ZFPM2: variants seen among roughly 807,000 people sequenced by gnomAD.
The protein encoded by ZFPM2 is zinc finger protein ZFPM2.
ZFPM2 carries 20 observed loss-of-function variants against 98.6 expected under a neutral mutation model. That is an observed-to-expected ratio of 0.20 (90% CI 0.14 to 0.29). ZFPM2 has a LOEUF of 0.29. Ranked by LOEUF, ZFPM2 falls within the 10% of genes least tolerant of loss-of-function variation. The probability of loss-of-function intolerance (pLI) is 1.00; values close to 1 mark genes in which losing one functional copy is unlikely to be tolerated. For synonymous variants in ZFPM2, 518 were observed against 502.7 expected, an observed-to-expected ratio of 1.03 and a Z score of -0.41; for missense variants, 1,310 against 1,388.6, an observed-to-expected ratio of 0.94 and a Z score of 0.90.
intron 4 of ZFPM2, among the ~76,000 whole-genome samples, chr8:105,568,443 A>G (rs1264115262): frequency 6.6e-6 from 1 of 152,118 alleles, no homozygotes; most frequent in Non-Finnish European, 1.5e-5. Flanking sequence ...ATTCACACAC[A>G]GTTACACATA....
intron 1 of ZFPM2, among the ~76,000 whole-genome samples, chr8:105,394,060 A>AT (rs1365242350): frequency 2.6e-5 from 4 of 151,706 alleles, no homozygotes; most frequent in African/African-American, 7.3e-5. Flanking sequence ...TGCCCGGCTA[A>AT]TTTTTTGTAT....
intron 1 of ZFPM2, among the ~76,000 whole-genome samples, chr8:105,350,545 T>G (rs1020963865): frequency 5.3e-5 from 8 of 151,592 alleles, no homozygotes; most frequent in African/African-American, 7.3e-5. Context: ...ATGAAGAAAA[T>G]GAGAGGTTAT....
intron 3 of ZFPM2, among the ~76,000 whole-genome samples, chr8:105,527,852 G>A (rs1814209866): frequency 6.6e-6 from 1 of 152,154 alleles, no homozygotes; most frequent in African/African-American, 2.4e-5. Context: ...GGAAGCATTA[G>A]AATTATGTCT....
At chr8:105,614,410 C>A (rs1026861393) in intron 4 of ZFPM2, among the ~76,000 whole-genome samples, 2 of 152,028 alleles carry the variant, frequency 1.3e-5, no homozygotes, top group African/African-American at 2.4e-5. Context: ...TCAGTAGACA[C>A]CCCTCCCTAA....
chr8:105,345,295 A>G (rs1051527640), intron 1 of ZFPM2, among the ~76,000 whole-genome samples: 11 of 152,242 alleles, frequency 7.2e-5, no homozygotes, highest in African/African-American at 2.6e-4. Flanking sequence ...CTTTTTCAGC[A>G]TCTTTGACAA....
chr8:105,359,457 C>T (rs1812815317), intron 1 of ZFPM2, among the ~76,000 whole-genome samples: 1 of 150,650 alleles, frequency 6.6e-6, no homozygotes, highest in Non-Finnish European at 1.5e-5. Context: ...CTCACTGCAA[C>T]CTCCATCTCC....
At chr8:105,595,390 A>ACC in intron 4 of ZFPM2, among the ~76,000 whole-genome samples, 1 of 152,070 alleles carries the variant, frequency 6.6e-6, no homozygotes, top group East Asian at 1.9e-4. Flanking sequence ...AAAGAGCTGG[A>ACC]CCAGATGCTG....
At chr8:105,728,041 A>G (rs1811855300) in intron 5 of ZFPM2, among the ~76,000 whole-genome samples, 1 of 151,628 alleles carries the variant, frequency 6.6e-6, no homozygotes, top group Admixed American at 6.6e-5. Context: ...GATTAGAAAG[A>G]CAGTTTGAGG....
chr8:105,371,817 T>A (rs1202932616), intron 1 of ZFPM2, among the ~76,000 whole-genome samples: 1 of 152,096 alleles, frequency 6.6e-6, no homozygotes. Context: ...TGGCAAAATT[T>A]AATCTGTACT....
intron 2 of ZFPM2, among the ~76,000 whole-genome samples, chr8:105,421,306 T>G (rs1417131179): frequency 6.6e-6 from 1 of 152,114 alleles, no homozygotes; most frequent in Non-Finnish European, 1.5e-5. Flanking sequence ...ATATTTAGTA[T>G]ATGATATAGA....
At chr8:105,424,405 T>G (rs1811864701) in intron 2 of ZFPM2, among the ~76,000 whole-genome samples, 1 of 151,880 alleles carries the variant, frequency 6.6e-6, no homozygotes, top group South Asian at 2.1e-4. Context: ...CCTAGAGAAA[T>G]GAACTAAAAT....
At chr8:105,556,236 A>G (rs189989572) in intron 3 of ZFPM2, among the ~76,000 whole-genome samples, 1 of 152,262 alleles carries the variant, frequency 6.6e-6, no homozygotes, top group Admixed American at 6.5e-5. Flanking sequence ...TGAATCCAAC[A>G]GCCAATGGAA....
intron 3 of ZFPM2, among the ~76,000 whole-genome samples, chr8:105,489,605 A>G (rs1486853743): frequency 1.3e-5 from 2 of 151,018 alleles, no homozygotes; most frequent in Non-Finnish European, 1.5e-5. Flanking sequence ...CTGGGATTGC[A>G]GGTGCATGCC....
At chr8:105,763,579 C>A (rs987029017) in intron 5 of ZFPM2, among the ~76,000 whole-genome samples, 1 of 151,752 alleles carries the variant, frequency 6.6e-6, no homozygotes, top group African/African-American at 2.4e-5. Flanking sequence ...GTGCTATGTC[C>A]TTCATGTAAA....
At chr8:105,441,728 G>T (rs1370396800) in intron 2 of ZFPM2, among the ~76,000 whole-genome samples, 1 of 152,086 alleles carries the variant, frequency 6.6e-6, no homozygotes, top group African/African-American at 2.4e-5. Context: ...ATGTAGGGGT[G>T]ATATTCAAAG....
In ZFPM2 at chr8:105,318,845, AGCGGCGGCGGCGGCGGCG is replaced by A. The variant is rs1191717920; in HGVS notation, c.-86_-69del. 1 of 320,932 alleles carries A rather than the reference AGCGGCGGCGGCGGCGGCG, an allele frequency of 3.1e-6. No individual in the cohort carries two copies. Among genetic ancestry groups the A allele is most frequent in the Non-Finnish European group, 3.9e-6 (1 of 259,538 alleles). 19.9% of individuals were successfully genotyped at this position (320,932 alleles called of 1,614,324 possible). On this transcript the variant is annotated 5_prime_UTR_variant, in exon 1 of 8. Coordinates refer to ENST00000407775, the MANE Select transcript of ZFPM2 (RefSeq NM_012082.4). ...GGCCGGCGGCGGGCCGAGCCTGGCC[AGCGGCGGCGGCGGCGGCG>A]GCGGCGGCGGGAGCCGAGGGAGCGG...
intron 3 of ZFPM2, among the ~76,000 whole-genome samples, chr8:105,493,912 A>G (rs1378633145): frequency 2.6e-5 from 4 of 151,950 alleles, no homozygotes; most frequent in African/African-American, 9.7e-5. Context: ...TTGCCTGTCA[A>G]ACTCAAGGAC....
intron 1 of ZFPM2, among the ~76,000 whole-genome samples, chr8:105,347,488 G>A (rs745994251): frequency 9.2e-5 from 14 of 152,116 alleles, no homozygotes; most frequent in African/African-American, 3.1e-4. Flanking sequence ...CCCCAGTTCA[G>A]TGTACTCTGT....
chr8:105,423,062 T>TACA (rs10676967), intron 2 of ZFPM2, among the ~76,000 whole-genome samples: 51,984 of 151,826 alleles, frequency 0.34, 11,169 homozygotes, highest in African/African-American at 0.61. Flanking sequence ...CAAGTTTTTC[T>TACA]AGTCTCAAAG....
Sources: allele counts gnomAD v4.1 joint callset (sites outside exome capture counted in the v4.1 genomes callset), GRCh38; gene constraint gnomAD v4.1.1; transcripts MANE v1.5; gene names NCBI Gene and HGNC (gene_info 2026-07-23, HGNC 2026-07-21).